The following RAB44 variants were observed in gnomAD, a reference collection of about 807,000 sequenced individuals.
RAB44 encodes the protein ras-related protein Rab-44.
RAB44 carries 67 observed loss-of-function variants against 93.3 expected under a neutral mutation model. That is an observed-to-expected ratio of 0.72 (90% CI 0.59 to 0.88). RAB44 has a LOEUF of 0.88. Ranked by LOEUF, RAB44 falls within the 40% of genes least tolerant of loss-of-function variation. The probability of loss-of-function intolerance (pLI) is 0.00; values close to 1 mark genes in which losing one functional copy is unlikely to be tolerated. For synonymous variants in RAB44, 427 were observed against 520.3 expected, an observed-to-expected ratio of 0.82 and a Z score of 2.44; for missense variants, 1,064 against 1,261.7, an observed-to-expected ratio of 0.84 and a Z score of 2.37.
chr6:36,711,222 G>C (rs1488267332), intron 2 of RAB44, among the ~76,000 whole-genome samples: 1 of 152,144 alleles, frequency 6.6e-6, no homozygotes, highest in African/African-American at 2.4e-5. Context: ...TTATTTGTTA[G>C]AGTAATTAAT....
chr6:36,704,280 C>G lies in RAB44; in HGVS notation c.45C>G (p.Gly15=), dbSNP rs901386421. 6.5e-7 allele frequency: 1 copy of G among 1,536,176 alleles called. No individual in the cohort carries two copies. Among genetic ancestry groups the G allele is most frequent in the African/African-American group, 1.4e-5 (1 of 73,168 alleles). ...CATCTCGAAAAGTCCGGAAGCTGGG[C>G]TCCAACCGGCGGCGGCAGACAAGAG... The part of the protein sequence containing the change: ...QRTSRKVRKL[G]SNRRRQTREP... Residue 15 remains glycine, a synonymous_variant, in exon 2 of 14, where the codon GGC becomes GGG. Coordinates refer to ENST00000612677, the MANE Select transcript of RAB44 (RefSeq NM_001257357.2).
At position 36,705,539 on chromosome 6, in the gene RAB44, C is replaced by T. The variant is rs143605328; in HGVS notation, c.207+1097C>T. ...CTGGGATTACCTGCACCCACTACCA[C>T]GCCTGGCTAGTTTTTGTATGTTTAG... On this transcript the variant is annotated intron_variant, in intron 2 of 13. Coordinates refer to ENST00000612677, the MANE Select transcript of RAB44 (RefSeq NM_001257357.2). Among the ~76,000 whole-genome samples, 416 of 152,144 alleles carry T rather than the reference C, an allele frequency of 2.7e-3. 1 individual carries two copies. The highest frequency in any genetic ancestry group is 8.7e-3 in the African/African-American group (360 of 41,494).
In RAB44 at chr6:36,721,645, C is replaced by T; in HGVS notation, c.1511C>T (p.Pro504Leu). 2.4e-6 allele frequency: 3 copies of T among 1,234,580 alleles called. No individual in the cohort carries two copies. Among genetic ancestry groups the T allele is most frequent in the Non-Finnish European group, 3.0e-6 (3 of 988,388 alleles). 76.5% of individuals were successfully genotyped at this position (1,234,580 alleles called of 1,614,324 possible). Residue 504 changes from proline (P) to leucine (L), a missense_variant, in exon 9 of 14, where the codon CCT becomes CTT. Coordinates refer to ENST00000612677, the MANE Select transcript of RAB44 (RefSeq NM_001257357.2). The stretch of plus-strand genomic sequence containing the variant: ...CTCATTCCTTTGGAGGATGGGCCCC[C>T]TCCCCCTGCGAACTCTCCCCCTCCC... ...KVLIPLEDGP[P>L]PPANSPPPQA...
At chr6:36,702,783 CA>C (rs1266828286) in intron 1 of RAB44, among the ~76,000 whole-genome samples, 1 of 152,204 alleles carries the variant, frequency 6.6e-6, no homozygotes, top group Non-Finnish European at 1.5e-5. Flanking sequence ...CCTTTCAAAC[CA>C]CAGCCTCTCT....
At chr6:36,701,206 T>C (rs12526889) in intron 1 of RAB44, among the ~76,000 whole-genome samples, 76,540 of 151,928 alleles carry the variant, frequency 0.5, 19,503 homozygotes, top group East Asian at 0.63. Flanking sequence ...GCCTCTTGGG[T>C]TCAAGTGATT....
At chr6:36,705,172 C>T (rs1465747743) in intron 2 of RAB44, among the ~76,000 whole-genome samples, 2 of 150,836 alleles carry the variant, frequency 1.3e-5, no homozygotes, top group Non-Finnish European at 2.9e-5. Context: ...GTTCAAAGAG[C>T]GTTTGAGAAG....
At chr6:36,702,244 G>A (rs904649561) in intron 1 of RAB44, among the ~76,000 whole-genome samples, 7 of 149,872 alleles carry the variant, frequency 4.7e-5, no homozygotes, top group Non-Finnish European at 8.9e-5. Context: ...CACCACTGCG[G>A]TTTTACATTT....
chr6:36,717,697 C>G lies in RAB44; in HGVS notation c.641+278C>G, dbSNP rs1261159414. 7.0e-6 allele frequency among the ~76,000 whole-genome samples: 1 copy of G among 143,398 alleles called. No individual in the cohort carries two copies. The highest frequency in any genetic ancestry group is 2.5e-5 in the African/African-American group (1 of 39,674). The allele number at this position is 143,398 out of a possible 152,430, so 94.1% of individuals were successfully genotyped here. A position where few individuals can be genotyped will look rare whatever the true frequency, so the allele number is the denominator to read the frequency against. ...CGTAGACTGTAATGCATGTGGTGAC[C>G]CTGGAGTTGGGTTATAAGGGCAGGA... On this transcript the variant is annotated intron_variant, in intron 5 of 13. Coordinates refer to ENST00000612677, the MANE Select transcript of RAB44 (RefSeq NM_001257357.2). The surrounding 1 kb of genome is among the most constrained non-coding windows in gnomAD (Gnocchi z 4.1).
chr6:36,703,462 A>G (rs1006299174), intron 1 of RAB44, among the ~76,000 whole-genome samples: 1 of 152,146 alleles, frequency 6.6e-6, no homozygotes, highest in Admixed American at 6.5e-5. Flanking sequence ...AAAAGGTATT[A>G]ACTATGTAAG....
Position 36,721,285 on chromosome 6 carries a change from C to T in RAB44, c.1151C>T (p.Ala384Val). The change falls in exon 9 of 14, where the codon GCC becomes GTC. Residue 384 changes from alanine to valine, a missense_variant. By Grantham distance (64) the Ala-to-Val change is moderately conservative. Transcript: ENST00000612677. ...AACTTTGGCAGCCCTCCGCACGGAG[C>T]CCTGCAGCTCTGCTGGAGCCCGCCC... ...LSNFGSPPHG[A>V]LQLCWSPPPT... is the part of the protein sequence containing the mutation. The T allele has an allele frequency of 1.6e-6, 2 of 1,234,240 alleles. No individual in the cohort carries two copies. Among genetic ancestry groups the T allele is most frequent in the Non-Finnish European group, 2.0e-6 (2 of 988,112 alleles). 76.5% of individuals were successfully genotyped at this position (1,234,240 alleles called of 1,614,324 possible).
rs34442767 is a variant in RAB44, at chr6:36,718,911, AT to A, written c.828+336del. The stretch of plus-strand genomic sequence containing the variant: ...GTGTTTGGGTCTGAGACCCTGCCCC[AT>A]TTTTTTTTTTTTGACACGGAATCAT... On this transcript the variant is annotated intron_variant, in intron 7 of 13. Transcript: ENST00000612677. Among the ~76,000 whole-genome samples, 1,330 of 143,226 alleles carry A rather than the reference AT, an allele frequency of 9.3e-3. 10 individuals carry two copies. The highest frequency in any genetic ancestry group is 9.4e-3 in the Non-Finnish European group (609 of 65,096). The allele number at this position is 143,226 out of a possible 152,430, so 94.0% of individuals were successfully genotyped here. A position where few individuals can be genotyped will look rare whatever the true frequency, so the allele number is the denominator to read the frequency against.
At position 36,732,153 on chromosome 6, in the gene RAB44, G is replaced by A; in HGVS notation, c.*60G>A. The A allele has an allele frequency of 9.1e-7, 1 of 1,104,880 alleles. No individual in the cohort carries two copies. Among genetic ancestry groups the A allele is most frequent in the Non-Finnish European group, 1.1e-6 (1 of 870,252 alleles). The allele number at this position is 1,104,880 out of a possible 1,614,324, so 68.4% of individuals were successfully genotyped here. A position where few individuals can be genotyped will look rare whatever the true frequency, so the allele number is the denominator to read the frequency against. On this transcript the variant is annotated 3_prime_UTR_variant, in exon 14 of 14. Transcript: ENST00000612677. ...TGGGGTTTCCTGTCCCTCAGCTCCT[G>A]TCCTTTGTTCCTGGACAGCAACGAC... is the stretch of plus-strand genomic sequence containing the variant.
chr6:36,730,759 G>GGCCGGGCCCCC lies in RAB44; in HGVS notation c.2975+10_2975+11insGCCGGGCCCCC. On this transcript the variant is annotated intron_variant, in intron 13 of 13. Transcript: ENST00000612677. ...TAGTAAACCTGGCCAGGTAAGTGCT[G>GGCCGGGCCCCC]CCCGCCCCCCGCCGCCCCCACCCCC... 8.3e-7 allele frequency: 1 copy of GGCCGGGCCCCC among 1,203,330 alleles called. No homozygotes were observed. Among genetic ancestry groups the GGCCGGGCCCCC allele is most frequent in the Non-Finnish European group, 1.0e-6 (1 of 974,728 alleles). The allele number at this position is 1,203,330 out of a possible 1,614,324, so 74.5% of individuals were successfully genotyped here. A position where few individuals can be genotyped will look rare whatever the true frequency, so the allele number is the denominator to read the frequency against.
At chr6:36,712,650 C>A (rs999008378) in intron 2 of RAB44, among the ~76,000 whole-genome samples, 25 of 152,192 alleles carry the variant, frequency 1.6e-4, no homozygotes, top group African/African-American at 6.0e-4. Context: ...CAGGTGTGAG[C>A]CACTGCACCC....
Position 36,718,566 on chromosome 6 carries a change from G to T in RAB44, c.806G>T (p.Arg269Leu). 3 of 1,234,168 alleles carry T rather than the reference G, an allele frequency of 2.4e-6. No individual in the cohort carries two copies. Among genetic ancestry groups the T allele is most frequent in the Non-Finnish European group, 3.0e-6 (3 of 988,064 alleles). The allele number at this position is 1,234,168 out of a possible 1,614,324, so 76.5% of individuals were successfully genotyped here. Residue 269 changes from arginine to leucine, a missense_variant, in exon 7 of 14, where the codon CGA (arginine) becomes CTA (leucine). By Grantham distance (102) the Arg-to-Leu change is moderately radical. Transcript: ENST00000612677. ...VLEAKEREVQ[R>L]LAEGQRELEA... The stretch of plus-strand genomic sequence containing the variant: ...GAGGCCAAGGAGCGCGAGGTGCAGC[G>T]ACTAGCTGAGGGCCAGAGGGAGGTG...
intron 4 of RAB44, among the ~76,000 whole-genome samples, chr6:36,716,267 C>G (rs958899091): frequency 2.0e-5 from 3 of 151,720 alleles, no homozygotes; most frequent in Non-Finnish European, 2.9e-5. Flanking sequence ...GTCGGGGGTT[C>G]CAGACCAGCC....
chr6:36,731,939 TG>T lies in RAB44; in HGVS notation c.2976-61del. 9.0e-7 allele frequency: 1 copy of T among 1,105,944 alleles called. No homozygotes were observed. The highest frequency in any genetic ancestry group is 1.1e-6 in the Non-Finnish European group (1 of 873,510). 68.5% of individuals were successfully genotyped at this position (1,105,944 alleles called of 1,614,324 possible). ...GCCTCCCACCCCCCAGCTGCACCCA[TG>T]GGCCCATCCGTGCTGCCCGTAGGAG... On this transcript the variant is annotated intron_variant, in intron 13 of 13. Transcript: ENST00000612677. This position sits in a 1 kb window ranked among gnomAD's most constrained non-coding sequence, Gnocchi z 4.0.
At chr6:36,701,556 T>C (rs932146367) in intron 1 of RAB44, among the ~76,000 whole-genome samples, 7 of 152,160 alleles carry the variant, frequency 4.6e-5, no homozygotes, top group African/African-American at 1.7e-4. Context: ...GTATAATCTC[T>C]CCTGCCCTGG....
intron 9 of RAB44, among the ~76,000 whole-genome samples, chr6:36,724,693 C>A (rs557621551): frequency 6.6e-6 from 1 of 152,144 alleles, no homozygotes; most frequent in Non-Finnish European, 1.5e-5. Context: ...ACCAACCAAC[C>A]AACCAGGCAA....
Sources: gnomAD v4.1 joint callset for allele counts (sites outside exome capture counted in the v4.1 genomes callset) on GRCh38, gnomAD v4.1.1 for gene constraint, Gnocchi (gnomAD v3.1) non-coding constraint, MANE v1.5 for transcripts, NCBI Gene and HGNC (gene_info 2026-07-23, HGNC 2026-07-21) for gene names.